CCDC91: variants seen among roughly 807,000 people sequenced by gnomAD.
The protein encoded by CCDC91 is coiled-coil domain containing 91, also known as coiled-coil domain-containing protein 91.
A neutral mutation model predicts 63.2 loss-of-function variants in CCDC91; 48 were observed. The ratio of observed to expected loss-of-function variants is 0.76; its 90% CI spans 0.60 to 0.97. The LOEUF (loss-of-function observed/expected upper bound fraction) is 0.97, where lower values mean the gene tolerates loss of function less well. Ranked by LOEUF, CCDC91 falls within the 50% of genes least tolerant of loss-of-function variation. CCDC91 has a pLI of 0.00. For synonymous variants in CCDC91, 167 were observed against 165.8 expected, an observed-to-expected ratio of 1.01 and a Z score of -0.06; for missense variants, 500 against 494.6, an observed-to-expected ratio of 1.01 and a Z score of -0.10.
At chr12:28,199,654 G>A (rs1942057166) in intron 1 of CCDC91, among the ~76,000 whole-genome samples, 1 of 152,102 alleles carries the variant, frequency 6.6e-6, no homozygotes, top group Non-Finnish European at 1.5e-5. Flanking sequence ...ATTCTCTTTG[G>A]TTTTGTTTAT....
chr12:28,405,581 G>A (rs1204165498), intron 8 of CCDC91, among the ~76,000 whole-genome samples: 1 of 151,816 alleles, frequency 6.6e-6, no homozygotes, highest in Admixed American at 6.6e-5. Context: ...TTTTATTCTG[G>A]TGAACACAAG....
chr12:28,468,970 C>A (rs1950674921), intron 11 of CCDC91, among the ~76,000 whole-genome samples: 1 of 151,956 alleles, frequency 6.6e-6, no homozygotes, highest in South Asian at 2.1e-4. Context: ...GACAGACCCT[C>A]AGTGGGTATC....
intron 3 of CCDC91, among the ~76,000 whole-genome samples, chr12:28,305,340 T>A (rs1192688981): frequency 6.6e-6 from 1 of 152,020 alleles, no homozygotes; most frequent in African/African-American, 2.4e-5. Context: ...TATGAGTATT[T>A]TCTCTATGTT....
intron 12 of CCDC91, among the ~76,000 whole-genome samples, chr12:28,530,561 C>T (rs1941648333): frequency 6.6e-6 from 1 of 152,032 alleles, no homozygotes; most frequent in East Asian, 1.9e-4. Flanking sequence ...GTTTTACAGC[C>T]ATAGTAACTG....
intron 8 of CCDC91, among the ~76,000 whole-genome samples, chr12:28,407,736 C>T (rs1592581657): frequency 6.6e-6 from 1 of 151,938 alleles, no homozygotes; most frequent in Admixed American, 6.6e-5. Flanking sequence ...GTACATTGCT[C>T]CATTTATTTA....
chr12:28,222,152 A>G (rs1379287457), intron 1 of CCDC91, among the ~76,000 whole-genome samples: 3 of 152,078 alleles, frequency 2.0e-5, no homozygotes, highest in Non-Finnish European at 4.4e-5. Context: ...CTAGTTGCTT[A>G]GAAACTAGAG....
chr12:28,302,461 A>C (rs1413034616), intron 3 of CCDC91, among the ~76,000 whole-genome samples: 1 of 152,074 alleles, frequency 6.6e-6, no homozygotes, highest in East Asian at 1.9e-4. Flanking sequence ...CCCCATTTTC[A>C]CAAGAGCAAA....
At chr12:28,510,044 G>A (rs766827301) in intron 12 of CCDC91, among the ~76,000 whole-genome samples, 7 of 152,004 alleles carry the variant, frequency 4.6e-5, no homozygotes, top group Non-Finnish European at 8.8e-5. Flanking sequence ...GTAGAAGGGA[G>A]TAGAGACACC....
At chr12:28,530,763 A>T (rs1269876839) in intron 12 of CCDC91, among the ~76,000 whole-genome samples, 1 of 152,154 alleles carries the variant, frequency 6.6e-6, no homozygotes, top group Non-Finnish European at 1.5e-5. Flanking sequence ...TGGTTATTTT[A>T]AAAACTGCTA....
intron 12 of CCDC91, among the ~76,000 whole-genome samples, chr12:28,524,324 A>C: frequency 6.6e-6 from 1 of 152,056 alleles, no homozygotes; most frequent in East Asian, 1.9e-4. Flanking sequence ...TGAGAGTTTT[A>C]ATCATAAAGG....
chr12:28,196,134 A>G (rs898307307), intron 1 of CCDC91, among the ~76,000 whole-genome samples: 1 of 149,442 alleles, frequency 6.7e-6, no homozygotes, highest in Non-Finnish European at 1.5e-5. Context: ...CAACCTTTCT[A>G]CGTTTATTTG....
chr12:28,537,794 G>C (rs1227398934), intron 12 of CCDC91, among the ~76,000 whole-genome samples: 1 of 152,178 alleles, frequency 6.6e-6, no homozygotes, highest in Non-Finnish European at 1.5e-5. Flanking sequence ...AGGAACAAAA[G>C]GGGAAAAGAA....
chr12:28,315,261 G>GT (rs1356899369), intron 6 of CCDC91, among the ~76,000 whole-genome samples: 1 of 151,790 alleles, frequency 6.6e-6, no homozygotes, highest in Non-Finnish European at 1.5e-5. Context: ...ACCTCCCTGG[G>GT]TTCAAGCGAT....
intron 6 of CCDC91, among the ~76,000 whole-genome samples, chr12:28,346,560 T>A (rs1942826929): frequency 6.6e-6 from 1 of 152,218 alleles, no homozygotes; most frequent in African/African-American, 2.4e-5. Flanking sequence ...ATTTATTGAA[T>A]TCGTTTTTTG....
rs575832392 is a variant in CCDC91 at position 28,426,843 on chromosome 12, C to T, written c.763-23318C>T. On this transcript the variant is annotated intron_variant, in intron 8 of 12. Transcript: ENST00000536442. ...TCTTTGCTCCTTCAGACATTTTAGC[C>T]TTTTAGCATGTCTTATAACTTTTTA... Among the ~76,000 whole-genome samples the T allele has an allele frequency of 6.6e-5, 10 of 152,184 alleles. 1 individual carries two copies. The East Asian group carries it at 1.9e-3, about 29-fold the overall frequency.
intron 8 of CCDC91, among the ~76,000 whole-genome samples, chr12:28,410,596 A>G (rs148241097): frequency 9.9e-5 from 15 of 152,154 alleles, no homozygotes; most frequent in African/African-American, 3.6e-4. Flanking sequence ...ATCTCGGCTC[A>G]CTGCAACGTC....
intron 3 of CCDC91, among the ~76,000 whole-genome samples, chr12:28,261,960 T>C (rs1162661211): frequency 6.6e-6 from 1 of 152,016 alleles, no homozygotes; most frequent in East Asian, 1.9e-4. Flanking sequence ...CAAACATGGC[T>C]AAGGGCTGAA....
chr12:28,371,148 G>A (rs560028086), intron 7 of CCDC91, among the ~76,000 whole-genome samples: 1 of 151,876 alleles, frequency 6.6e-6, no homozygotes, highest in African/African-American at 2.4e-5. Context: ...GTGGTGGTTT[G>A]TATAGCAGGG....
At chr12:28,473,194 C>T (rs1349176457) in intron 11 of CCDC91, among the ~76,000 whole-genome samples, 1 of 152,088 alleles carries the variant, frequency 6.6e-6, no homozygotes, top group Non-Finnish European at 1.5e-5. Context: ...TTCAGAAAAA[C>T]TTTCAGTCAA....
Sources: gnomAD v4.1 joint callset for allele counts (sites outside exome capture counted in the v4.1 genomes callset) on GRCh38, gnomAD v4.1.1 for gene constraint, MANE v1.5 for transcripts, NCBI Gene and HGNC (gene_info 2026-07-23, HGNC 2026-07-21) for gene names.